TSPAN14: variants seen among roughly 807,000 people sequenced by gnomAD.
TSPAN14 encodes tetraspanin-14.
A neutral mutation model predicts 36.6 loss-of-function variants in TSPAN14; 16 were observed. That is an observed-to-expected ratio of 0.44 (90% confidence interval 0.30 to 0.66). TSPAN14 has a LOEUF of 0.66. Ranked by LOEUF, TSPAN14 falls within the 30% of genes least tolerant of loss-of-function variation. The probability of loss-of-function intolerance (pLI) is 0.12; values close to 1 mark genes in which losing one functional copy is unlikely to be tolerated. For missense variants in TSPAN14, 231 were observed against 355.1 expected, an observed-to-expected ratio of 0.65 and a Z score of 2.81; for synonymous variants, 139 against 143.8, an observed-to-expected ratio of 0.97 and a Z score of 0.24.
chr10:80,484,099 G>T (rs750828152), intron 1 of TSPAN14, among the ~76,000 whole-genome samples: 3 of 151,460 alleles, frequency 2.0e-5, no homozygotes, highest in Non-Finnish European at 4.4e-5. Flanking sequence ...ACAAAAATTA[G>T]CCAGGCCTGG....
chr10:80,477,015 A>G (rs1269240441), intron 1 of TSPAN14, among the ~76,000 whole-genome samples: 1 of 152,174 alleles, frequency 6.6e-6, no homozygotes, highest in Non-Finnish European at 1.5e-5. Flanking sequence ...TACATGTAGA[A>G]CTGAGTCCTT....
At chr10:80,466,553 A>G (rs569871159) in intron 1 of TSPAN14, 1 of 152,182 alleles carries the variant, frequency 6.6e-6, no homozygotes, top group Non-Finnish European at 1.5e-5. Flanking sequence ...GAGCCACAGC[A>G]CCCAGCCCTC....
At chr10:80,486,403 C>T (rs912826731) in intron 1 of TSPAN14, among the ~76,000 whole-genome samples, 2 of 152,224 alleles carry the variant, frequency 1.3e-5, no homozygotes, top group Non-Finnish European at 2.9e-5. Context: ...GCAAAGGCCC[C>T]GGGCAGGGGA....
chr10:80,489,424 G>C, intron 2 of TSPAN14, 110 bp downstream of exon 2: 1 of 824,232 alleles, frequency 1.2e-6, no homozygotes, highest in Non-Finnish European at 2.0e-6. Flanking sequence ...CTGGGATAAG[G>C]TGGTGGGCAG....
intron 1 of TSPAN14, among the ~76,000 whole-genome samples, chr10:80,481,481 T>C (rs1420409051): frequency 6.6e-6 from 1 of 152,164 alleles, no homozygotes; most frequent in Non-Finnish European, 1.5e-5. Flanking sequence ...ATAGCTCACA[T>C]GGTCATAATA....
chr10:80,489,119 A>G, intron 1 of TSPAN14, 98 bp from the exon 2 acceptor site: 1 of 763,592 alleles, frequency 1.3e-6, no homozygotes. Flanking sequence ...TCATGAGGGA[A>G]ATGATCGGGA....
chr10:80,475,366 G>A (rs1846799050), intron 1 of TSPAN14, among the ~76,000 whole-genome samples: 2 of 152,192 alleles, frequency 1.3e-5, no homozygotes, highest in African/African-American at 4.8e-5. Flanking sequence ...AGGGGTTTGA[G>A]ATTAGCCTGG....
intron 1 of TSPAN14, among the ~76,000 whole-genome samples, chr10:80,463,951 C>T (rs993836395): frequency 2.1e-4 from 32 of 152,254 alleles, no homozygotes; most frequent in African/African-American, 7.5e-4. Context: ...AGCCTGTCTC[C>T]GTGACCTCCA....
At position 80,520,656 on chromosome 10, in the gene TSPAN14, CCTTTCCCATCCTAAAAA is replaced by C. The variant is rs767323352; in HGVS notation, c.*2684_*2700del. Reference sequence around the variant, plus strand: ...GTCCCGTCTTCCTATCGCTGGCCTTCCTTTCCCATCCTAAAAACTTGCCGAGGCCCTATGGCTCCCTC... The same window carrying C: ...GTCCCGTCTTCCTATCGCTGGCCTTCCTTGCCGAGGCCCTATGGCTCCCTC... On this transcript the variant is annotated 3_prime_UTR_variant, in exon 9 of 9. Transcript: ENST00000429989. The C allele has an allele frequency of 2.2e-5, 12 of 533,368 alleles. No homozygotes were observed. In the Admixed American group the frequency reaches 2.3e-4, roughly 10 times the overall value. The allele number at this position is 533,368 out of a possible 1,614,324, so 33.0% of individuals were successfully genotyped here. A position where few individuals can be genotyped will look rare whatever the true frequency, so the allele number is the denominator to read the frequency against.
intron 1 of TSPAN14, 71 bp downstream of exon 1, chr10:80,454,442 C>G (rs1398203919): frequency 6.6e-6 from 1 of 152,028 alleles, no homozygotes; most frequent in Non-Finnish European, 1.5e-5. Context: ...CCGACTTCCC[C>G]GAGCGTTCTC....
At chr10:80,495,845 A>G (rs1303305977) in intron 2 of TSPAN14, among the ~76,000 whole-genome samples, 1 of 152,230 alleles carries the variant, frequency 6.6e-6, no homozygotes, top group Admixed American at 6.5e-5. Context: ...TACATGCCAC[A>G]TAATCACCAT....
chr10:80,461,584 G>A, intron 1 of TSPAN14, among the ~76,000 whole-genome samples: 1 of 152,166 alleles, frequency 6.6e-6, no homozygotes, highest in East Asian at 1.9e-4. Context: ...GGAACAAGTG[G>A]CATGTGCCCA....
chr10:80,517,985 G>A, exon 9 of TSPAN14: 1 of 1,555,982 alleles, frequency 6.4e-7, no homozygotes, highest in Non-Finnish European at 8.7e-7. Flanking sequence ...GAGGAGCAGA[G>A]TTGAGGGAGC....
intron 7 of TSPAN14, among the ~76,000 whole-genome samples, chr10:80,514,852 C>T (rs1457681705): frequency 2.6e-5 from 4 of 152,104 alleles, no homozygotes; most frequent in African/African-American, 9.7e-5. Flanking sequence ...GTCATGAGGG[C>T]AGAGTCCTTA....
chr10:80,471,752 GGTGGGGTGGGTAGCAGGT>G (rs1846563449), intron 1 of TSPAN14, among the ~76,000 whole-genome samples: 1 of 152,164 alleles, frequency 6.6e-6, no homozygotes. Flanking sequence ...GAGAAGTGGG[GGTGGGGTGGGTAGCAGGT>G]GTGGGGTGAG....
chr10:80,454,927 G>A (rs1343872246), intron 1 of TSPAN14, among the ~76,000 whole-genome samples: 1 of 152,238 alleles, frequency 6.6e-6, no homozygotes, highest in African/African-American at 2.4e-5. Flanking sequence ...ACGCCGCCGT[G>A]GGTCCCACTC....
chr10:80,515,082 A>G (rs1025825907), intron 7 of TSPAN14, among the ~76,000 whole-genome samples: 5 of 152,238 alleles, frequency 3.3e-5, no homozygotes, highest in Non-Finnish European at 5.9e-5. Context: ...ATTTTATTCT[A>G]GTTGCCTGAA....
intron 4 of TSPAN14, 143 bp downstream of exon 4, chr10:80,507,517 A>G: frequency 1.7e-6 from 2 of 1,167,200 alleles, no homozygotes; most frequent in Non-Finnish European, 2.4e-6. Flanking sequence ...GGAGGCAGCC[A>G]TTTGCACTCT....
intron 1 of TSPAN14, chr10:80,468,808 A>G (rs1846381088): frequency 6.6e-6 from 1 of 150,424 alleles, no homozygotes. Flanking sequence ...TCCTGGGTTC[A>G]AGCGATCTGC....
Sources: gnomAD v4.1 joint callset for allele counts (sites outside exome capture counted in the v4.1 genomes callset) on GRCh38, gnomAD v4.1.1 for gene constraint, MANE v1.5 for transcripts, NCBI Gene and HGNC (gene_info 2026-07-23, HGNC 2026-07-21) for gene names.